DNAH3: variants seen among roughly 807,000 people sequenced by gnomAD.
DNAH3 encodes dynein axonemal heavy chain 3.
DNAH3 carries 332 observed loss-of-function variants against 432.5 expected under a neutral mutation model. That is an observed-to-expected ratio of 0.77 (90% CI 0.70 to 0.84). The LOEUF is 0.84. DNAH3 is among the 40% of genes least tolerant of loss of function. The pLI, the probability that DNAH3 is intolerant of heterozygous loss-of-function variation, is 0.00. For synonymous variants in DNAH3, 1,956 were observed against 1,900.2 expected, an observed-to-expected ratio of 1.03 and a Z score of -0.76; for missense variants, 4,861 against 5,114.0, an observed-to-expected ratio of 0.95 and a Z score of 1.51.
chr16:21,088,355 G>T (rs2091441425), intron 18 of DNAH3, among the ~76,000 whole-genome samples: 2 of 152,098 alleles, frequency 1.3e-5, no homozygotes, highest in South Asian at 4.1e-4. Context: ...AGTAGGTAAG[G>T]CTAACACTTC....
intron 2 of DNAH3, 29 bp downstream of exon 3, chr16:21,145,955 C>T: frequency 1.4e-6 from 2 of 1,446,818 alleles, no homozygotes; most frequent in Non-Finnish European, 1.9e-6. Context: ...TCACCCTCAA[C>T]AGAAGAGCTG....
chr16:20,943,098 T>A (rs1489154063), intron 58 of DNAH3, among the ~76,000 whole-genome samples: 6 of 151,676 alleles, frequency 4.0e-5, no homozygotes, highest in Non-Finnish European at 8.8e-5. Context: ...TAACTTTTTT[T>A]AAGACAGGGT....
At chr16:21,023,786 G>GGTGGGT (rs1555530934) in intron 39 of DNAH3, among the ~76,000 whole-genome samples, 1 of 146,484 alleles carries the variant, frequency 6.8e-6, no homozygotes, top group Admixed American at 6.8e-5. Flanking sequence ...CAGCTTTTGG[G>GGTGGGT]GTGTGTGTGT....
At chr16:20,939,740 A>C (rs998048396) in intron 59 of DNAH3, among the ~76,000 whole-genome samples, 1 of 152,210 alleles carries the variant, frequency 6.6e-6, no homozygotes, top group Middle Eastern at 3.2e-3. Flanking sequence ...CCAATGACAC[A>C]GAATAGAGGC....
In DNAH3 at chr16:21,149,944, G is replaced by T. The variant is rs188757116; in HGVS notation, c.118-3856C>A. Among the ~76,000 whole-genome samples the T allele has an allele frequency of 7.0e-4, 106 of 152,196 alleles. 1 individual carries two copies. The highest frequency in any genetic ancestry group is 6.8e-3 in the Middle Eastern group (2 of 294). On this transcript the variant is annotated intron_variant, in intron 1 of 61. Transcript: ENST00000261383. ...AACACATTAAAAATACAGGTAAATC[G>T]GCCAGACACGGTGGCTCACACCTGT...
intron 48 of DNAH3, chr16:20,985,064 G>A (rs981806966): frequency 3.7e-6 from 6 of 1,605,678 alleles, no homozygotes; most frequent in African/African-American, 1.3e-5. Flanking sequence ...ACAATGTGAA[G>A]GTTCTTTCTC....
At chr16:21,120,437 C>G (rs1468169244) in intron 11 of DNAH3, among the ~76,000 whole-genome samples, 2 of 152,104 alleles carry the variant, frequency 1.3e-5, no homozygotes, top group African/African-American at 4.8e-5. Flanking sequence ...ACCATATATA[C>G]GGCAGATCTT....
intron 3 of DNAH3, among the ~76,000 whole-genome samples, chr16:21,144,709 A>G (rs1369718046): frequency 2.0e-5 from 3 of 152,220 alleles, no homozygotes; most frequent in Non-Finnish European, 4.4e-5. Context: ...ATGGTCTATA[A>G]ATGTTAGCCG....
In DNAH3 at chr16:20,963,529, G is replaced by A. The variant is rs144609874; in HGVS notation, c.10355C>T (p.Ser3452Leu). The change falls in exon 53 of 62, where the codon TCG (serine) becomes TTG (leucine). Residue 3452 changes from serine to leucine, a missense_variant. Transcript: ENST00000261383. Reference sequence around the variant, plus strand: ...GAGTTGCTCCTCATGGGGCCAGGCCGAGTCATAGATCAGCTTCCATTCACC... The same window carrying A: ...GAGTTGCTCCTCATGGGGCCAGGCCAAGTCATAGATCAGCTTCCATTCACC... The A allele has an allele frequency of 4.2e-5, 68 of 1,613,954 alleles. No individual in the cohort carries two copies. The East Asian group carries it at 5.1e-4, about 12-fold the overall frequency.
At chr16:21,029,251 G>A (rs1165382989) in intron 37 of DNAH3, among the ~76,000 whole-genome samples, 2 of 152,154 alleles carry the variant, frequency 1.3e-5, no homozygotes, top group African/African-American at 4.8e-5. Context: ...TATAATTAGT[G>A]GATGTGTATA....
intron 61 of DNAH3, among the ~76,000 whole-genome samples, chr16:20,933,752 A>C (rs1318170916): frequency 6.6e-6 from 1 of 152,260 alleles, no homozygotes; most frequent in Non-Finnish European, 1.5e-5. Context: ...AGTAGGAGTC[A>C]CATTATTCTA....
At chr16:20,959,153 A>G (rs1321318057) in intron 54 of DNAH3, 26 bp downstream of exon 54, 2 of 1,606,320 alleles carry the variant, frequency 1.2e-6, no homozygotes, top group Non-Finnish European at 1.7e-6. Context: ...GGTCCCAGAG[A>G]AGGCAGTGGT....
At chr16:20,986,736 G>A (rs775735660) in intron 47 of DNAH3, among the ~76,000 whole-genome samples, 7 of 152,046 alleles carry the variant, frequency 4.6e-5, no homozygotes, top group Non-Finnish European at 4.4e-5. Context: ...ATGCCTCCTC[G>A]TCCTATGTTA....
intron 7 of DNAH3, among the ~76,000 whole-genome samples, chr16:21,130,792 T>G (rs1035730577): frequency 3.9e-5 from 6 of 152,190 alleles, no homozygotes; most frequent in Non-Finnish European, 8.8e-5. Context: ...CAATTTAAAC[T>G]CAGGTACATG....
rs373961369 is a variant in DNAH3 at position 20,982,640 on chromosome 16, C to G, written c.7859+81G>C. On this transcript the variant is annotated intron_variant, in intron 49 of 61. Transcript: ENST00000261383. ...TGCTATATACAAATTGAGAAATCTT[C>G]AAAACAACAACAAAAATAGAGCCAG... The G allele has an allele frequency of 1.7e-3, 2,143 of 1,245,792 alleles. 54 individuals carry two copies. In the South Asian group the frequency reaches 0.032, roughly 18 times the overall value. 77.2% of individuals were successfully genotyped at this position (1,245,792 alleles called of 1,614,324 possible). A position where few individuals can be genotyped will look rare whatever the true frequency, so the allele number is the denominator to read the frequency against.
Position 21,050,026 on chromosome 16 carries a change from G to T in DNAH3, c.4239-8C>A. 6.3e-7 allele frequency: 1 copy of T among 1,594,548 alleles called. No individual in the cohort carries two copies. The highest frequency in any genetic ancestry group is 8.6e-7 in the Non-Finnish European group (1 of 1,163,554). Reference sequence around the variant, plus strand: ...AAAGCTCCCATCAGTGTCCTATGGGGAAGAAAATAGAACTTCAGTGCTTGA... The same window carrying T: ...AAAGCTCCCATCAGTGTCCTATGGGTAAGAAAATAGAACTTCAGTGCTTGA... On this transcript the variant is annotated splice_region_variant and splice_polypyrimidine_tract_variant and intron_variant, in intron 29 of 61. Transcript: ENST00000261383.
chr16:20,952,401 G>A (rs771169474), intron 56 of DNAH3, 32 bp downstream of exon 56: 1 of 1,332,294 alleles, frequency 7.5e-7, no homozygotes, highest in South Asian at 1.2e-5. Context: ...GATACTGGAG[G>A]TTTACAGTGG....
At chr16:21,081,829 G>T in intron 19 of DNAH3, 102 bp from the exon 20 acceptor site, 1 of 853,546 alleles carries the variant, frequency 1.2e-6, no homozygotes, top group Non-Finnish European at 1.8e-6. Flanking sequence ...GCACTGCTCA[G>T]CATAACAGCC....
Position 21,111,642 on chromosome 16 carries a change from G to A in DNAH3, c.2083C>T (p.Arg695Ter), listed in dbSNP as rs757653495. 4.3e-6 allele frequency: 7 copies of A among 1,612,208 alleles called. No homozygotes were observed. The highest frequency in any genetic ancestry group is 2.2e-5 in the East Asian group (1 of 44,818). ...TTACAATACCTGGTATTGGTGTCTCGGTTTACATCCACTTGGAATTGAATC... is the reference window on the plus strand; with the variant it reads ...TTACAATACCTGGTATTGGTGTCTCAGTTTACATCCACTTGGAATTGAATC... The change falls in exon 14 of 62, where the codon CGA (arginine) becomes TGA (stop). Residue 695 changes from arginine to a stop codon, truncating the protein, a stop_gained. Coordinates refer to ENST00000261383, the Ensembl canonical transcript of DNAH3. LOFTEE classifies it high-confidence loss of function.
Sources: gnomAD v4.1 joint callset for allele counts (sites outside exome capture counted in the v4.1 genomes callset) on GRCh38, gnomAD v4.1.1 for gene constraint, MANE v1.5 for transcripts, NCBI Gene and HGNC (gene_info 2026-07-23, HGNC 2026-07-21) for gene names.